The following HTR1F variants were observed in gnomAD, a reference collection of about 807,000 sequenced individuals.
HTR1F encodes the protein 5-hydroxytryptamine (serotonin) receptor 1F, G protein-coupled.
HTR1F carries 17 observed loss-of-function variants against 24.0 expected under a neutral mutation model. The ratio of observed to expected loss-of-function variants is 0.71; its 90% CI spans 0.48 to 1.06. HTR1F has a LOEUF of 1.06. HTR1F is among the 50% of genes least tolerant of loss of function. The pLI is 0.00. For synonymous variants in HTR1F, 186 were observed against 156.8 expected, an observed-to-expected ratio of 1.19 and a Z score of -1.39; for missense variants, 391 against 427.8, an observed-to-expected ratio of 0.91 and a Z score of 0.76.
intron 1 of HTR1F, among the ~76,000 whole-genome samples, chr3:87,817,813 T>C (rs1445794313): frequency 6.6e-6 from 1 of 152,190 alleles, no homozygotes; most frequent in Non-Finnish European, 1.5e-5. Flanking sequence ...GTTTTCATCA[T>C]TTATTGGTTT....
At chr3:87,800,938 C>T (rs1008223346) in intron 1 of HTR1F, among the ~76,000 whole-genome samples, 7 of 152,194 alleles carry the variant, frequency 4.6e-5, no homozygotes, top group African/African-American at 1.7e-4. Context: ...ATGGCTATTT[C>T]TCTTATTTAA....
intron 1 of HTR1F, among the ~76,000 whole-genome samples, chr3:87,821,338 A>G (rs1212470511): frequency 6.6e-6 from 1 of 152,206 alleles, no homozygotes; most frequent in Admixed American, 6.5e-5. Context: ...TCTATGAAAT[A>G]GAAAAGGCCA....
At chr3:87,954,304 C>G (rs1704898118) in intron 2 of HTR1F, among the ~76,000 whole-genome samples, 1 of 151,386 alleles carries the variant, frequency 6.6e-6, no homozygotes, top group African/African-American at 2.4e-5. Context: ...TCACTTGTAC[C>G]CTATAAATAT....
At chr3:87,869,454 T>TAGATGATAGATAGATA (rs113301497) in intron 2 of HTR1F, among the ~76,000 whole-genome samples, 1,672 of 124,818 alleles carry the variant, frequency 0.013, 50 homozygotes, top group African/African-American at 0.051. Context: ...GATAGATAGA[T>TAGATGATAGATAGATA]GATAGATAGA....
intron 2 of HTR1F, among the ~76,000 whole-genome samples, chr3:87,888,525 GA>G (rs1381922058): frequency 4.6e-5 from 7 of 151,828 alleles, no homozygotes; most frequent in Admixed American, 2.0e-4. Flanking sequence ...TGAGTATGAG[GA>G]AAAAAACATT....
At chr3:87,836,522 T>TGA (rs1704687270) in intron 2 of HTR1F, among the ~76,000 whole-genome samples, 1 of 152,178 alleles carries the variant, frequency 6.6e-6, no homozygotes, top group African/African-American at 2.4e-5. Flanking sequence ...CCAGTAAGCA[T>TGA]TGAATAAAGG....
intron 2 of HTR1F, among the ~76,000 whole-genome samples, chr3:87,823,898 A>C (rs1356957199): frequency 6.6e-6 from 1 of 151,988 alleles, no homozygotes; most frequent in Non-Finnish European, 1.5e-5. Context: ...GTCTCTACTA[A>C]AAATACAAAA....
intron 2 of HTR1F, among the ~76,000 whole-genome samples, chr3:87,846,671 G>T (rs867857981): frequency 6.6e-6 from 1 of 151,914 alleles, no homozygotes; most frequent in African/African-American, 2.4e-5. Flanking sequence ...GGCTTGCAGT[G>T]CTGGAACTGG....
At chr3:87,968,125 A>G (rs1265961525) in intron 2 of HTR1F, among the ~76,000 whole-genome samples, 1 of 152,216 alleles carries the variant, frequency 6.6e-6, no homozygotes, top group Non-Finnish European at 1.5e-5. Context: ...CTATGTTTTA[A>G]CAAAGAGACT....
At chr3:87,901,073 T>C (rs755850994) in intron 2 of HTR1F, among the ~76,000 whole-genome samples, 3 of 152,178 alleles carry the variant, frequency 2.0e-5, no homozygotes, top group Admixed American at 6.6e-5. Flanking sequence ...GTATCAAGTT[T>C]GACTTCGCAA....
At chr3:87,891,361 GATTA>G (rs1706083013) in intron 2 of HTR1F, among the ~76,000 whole-genome samples, 1 of 152,096 alleles carries the variant, frequency 6.6e-6, no homozygotes, top group Non-Finnish European at 1.5e-5. Flanking sequence ...AAAGTTGACA[GATTA>G]ATTTTCCCTA....
chr3:87,962,100 AT>A (rs541491146), intron 2 of HTR1F, among the ~76,000 whole-genome samples: 5 of 152,074 alleles, frequency 3.3e-5, no homozygotes, highest in African/African-American at 1.2e-4. Context: ...AAAAATAAAG[AT>A]TTTTTTTAGT....
At chr3:87,880,436 T>C (rs555521827) in intron 2 of HTR1F, among the ~76,000 whole-genome samples, 4 of 152,258 alleles carry the variant, frequency 2.6e-5, no homozygotes, top group South Asian at 2.1e-4. Context: ...CTAAATTGAA[T>C]AAAGGAAAAC....
intron 2 of HTR1F, among the ~76,000 whole-genome samples, chr3:87,930,286 GC>G (rs1704230082): frequency 6.6e-6 from 1 of 151,952 alleles, no homozygotes; most frequent in Non-Finnish European, 1.5e-5. Context: ...TCTTTCTTTT[GC>G]CTGATTGCTC....
intron 2 of HTR1F, among the ~76,000 whole-genome samples, chr3:87,928,377 A>C (rs1327509867): frequency 4.6e-5 from 7 of 152,272 alleles, no homozygotes; most frequent in South Asian, 4.1e-4. Context: ...AATATTTCAC[A>C]AATGAAATTT....
chr3:87,976,830 A>G (rs891449279), intron 2 of HTR1F, among the ~76,000 whole-genome samples: 3 of 152,176 alleles, frequency 2.0e-5, no homozygotes, highest in African/African-American at 7.2e-5. Flanking sequence ...GAATATCCAG[A>G]TTCTTTGTCT....
rs145334592 is a variant in HTR1F at position 87,807,280 on chromosome 3, G to A, written c.-160+14438G>A. Among the ~76,000 whole-genome samples, 256 of 151,942 alleles carry A rather than the reference G, an allele frequency of 1.7e-3. 5 individuals are homozygous for A. In the East Asian group the frequency reaches 0.038, roughly 23 times the overall value. On this transcript the variant is annotated intron_variant, in intron 1 of 2. Transcript: ENST00000319595. ...ATGAGCATGGAGTATCTTTCCCTTC[G>A]TGTTGTTTTTAATTTATTTCAACAG...
chr3:87,882,581 A>G (rs1310894890), intron 2 of HTR1F, among the ~76,000 whole-genome samples: 2 of 152,038 alleles, frequency 1.3e-5, no homozygotes, highest in African/African-American at 4.8e-5. Flanking sequence ...ATTGGAAATC[A>G]TCATTCTCAG....
intron 1 of HTR1F, among the ~76,000 whole-genome samples, chr3:87,818,844 G>A (rs908462984): frequency 2.0e-5 from 3 of 152,082 alleles, no homozygotes; most frequent in Non-Finnish European, 4.4e-5. Flanking sequence ...CCCAGGTGTT[G>A]GAAGTAGAGT....
Sources: gnomAD v4.1 joint callset for allele counts (sites outside exome capture counted in the v4.1 genomes callset) on GRCh38, gnomAD v4.1.1 for gene constraint, MANE v1.5 for transcripts, NCBI Gene and HGNC (gene_info 2026-07-23, HGNC 2026-07-21) for gene names.